APBB2: variants seen among roughly 807,000 people sequenced by gnomAD.
The protein encoded by APBB2 is amyloid beta precursor protein binding family B member 2, also known as Fe65-like 1.
In APBB2, 38 loss-of-function variants were observed where a neutral mutation model predicts 82.5. The ratio of observed to expected loss-of-function variants is 0.46; its 90% CI spans 0.36 to 0.60. The LOEUF (loss-of-function observed/expected upper bound fraction) is 0.60. Among genes scored for constraint, APBB2 ranks in the 20% least tolerant of loss-of-function variants. The probability of loss-of-function intolerance (pLI) is 0.00; values close to 1 mark genes in which losing one functional copy is unlikely to be tolerated. For synonymous variants in APBB2, 341 were observed against 368.2 expected, an observed-to-expected ratio of 0.93 and a Z score of 0.85; for missense variants, 772 against 972.3, an observed-to-expected ratio of 0.79 and a Z score of 2.74.
chr4:41,049,765 G>A (rs1448135979), intron 4 of APBB2, among the ~76,000 whole-genome samples: 7 of 152,240 alleles, frequency 4.6e-5, no homozygotes, highest in Admixed American at 4.6e-4. Context: ...AGACATGGGA[G>A]ACTCCATTTT....
chr4:40,989,156 A>G (rs1478372448), intron 6 of APBB2, among the ~76,000 whole-genome samples: 5 of 152,190 alleles, frequency 3.3e-5, no homozygotes, highest in Non-Finnish European at 7.3e-5. Context: ...ACTGATACAC[A>G]GTATTAACAG....
At position 40,918,759 on chromosome 4, in the gene APBB2, GT is replaced by G. The variant is rs1208082701; in HGVS notation, c.1254+15696del. Among the ~76,000 whole-genome samples the G allele has an allele frequency of 7.0e-3, 591 of 84,236 alleles. 1 individual carries two copies. Among genetic ancestry groups the G allele is most frequent in the Admixed American group, 9.7e-3 (77 of 7,910 alleles). 55.3% of individuals were successfully genotyped at this position (84,236 alleles called of 152,430 possible). On this transcript the variant is annotated intron_variant, in intron 10 of 17. Transcript: ENST00000508593. Reference sequence around the variant, plus strand: ...CTCCCTCCTTCCTTATTTTTTCTCTGTTTTTTTTTTTGTTTGTTTGTTTTTG... The same window carrying G: ...CTCCCTCCTTCCTTATTTTTTCTCTGTTTTTTTTTTGTTTGTTTGTTTTTG...
At chr4:41,153,996 G>A (rs959464149) in intron 1 of APBB2, among the ~76,000 whole-genome samples, 2 of 152,088 alleles carry the variant, frequency 1.3e-5, no homozygotes, top group Non-Finnish European at 2.9e-5. Flanking sequence ...TGTGAGAAAT[G>A]TTTCCTCTAA....
chr4:40,866,641 G>A lies in APBB2; in HGVS notation c.1529+23723C>T, dbSNP rs35061245. Among the ~76,000 whole-genome samples the A allele has an allele frequency of 1.6e-3, 249 of 152,210 alleles. 1 individual carries two copies. Among genetic ancestry groups the A allele is most frequent in the Admixed American group, 3.8e-3 (58 of 15,294 alleles). On this transcript the variant is annotated intron_variant, in intron 12 of 17. Transcript: ENST00000508593. ...AATAAAAACATCATATATGGTTGCT[G>A]TTATTTGTTTTATCTTCGGATTCAA... is the stretch of plus-strand genomic sequence containing the variant.
chr4:40,812,037 G>GTGAC lies in APBB2; in HGVS notation c.*4051_*4054dup, dbSNP rs1225782187. ...GACCGCTTACAAAAGACTCGAGTTG[G>GTGAC]TGACTAAATAGGCTTCTATGTCCGG... is the stretch of plus-strand genomic sequence containing the variant. On this transcript the variant is annotated 3_prime_UTR_variant, in exon 18 of 18. Transcript: ENST00000508593. 1.3e-5 allele frequency: 2 copies of GTGAC among 152,148 alleles called. No individual in the cohort carries two copies. Among genetic ancestry groups the GTGAC allele is most frequent in the African/African-American group, 4.8e-5 (2 of 41,422 alleles). 9.4% of individuals were successfully genotyped at this position (152,148 alleles called of 1,614,324 possible). A position where few individuals can be genotyped will look rare whatever the true frequency, so the allele number is the denominator to read the frequency against.
intron 10 of APBB2, among the ~76,000 whole-genome samples, chr4:40,913,102 C>T (rs1465112566): frequency 6.6e-6 from 1 of 152,196 alleles, no homozygotes; most frequent in South Asian, 2.1e-4. Context: ...CATTGCATTT[C>T]GCTGGGAAAT....
At chr4:40,958,109 TCC>T (rs1429865081) in intron 6 of APBB2, among the ~76,000 whole-genome samples, 1 of 152,200 alleles carries the variant, frequency 6.6e-6, no homozygotes, top group Non-Finnish European at 1.5e-5. Flanking sequence ...CATCGGTCCA[TCC>T]ATCCATAAAC....
intron 10 of APBB2, among the ~76,000 whole-genome samples, chr4:40,915,766 G>A (rs1381993608): frequency 3.3e-5 from 5 of 152,198 alleles, no homozygotes; most frequent in African/African-American, 1.2e-4. Flanking sequence ...ATTCTGCACT[G>A]TGCTCTCGGG....
At chr4:40,923,591 G>A (rs974371263) in intron 10 of APBB2, among the ~76,000 whole-genome samples, 10 of 152,324 alleles carry the variant, frequency 6.6e-5, no homozygotes, top group Middle Eastern at 6.8e-3. Flanking sequence ...CACACCTGCC[G>A]CTCTGGTGCC....
chr4:40,870,058 T>A (rs1323066556), intron 12 of APBB2, among the ~76,000 whole-genome samples: 1 of 152,030 alleles, frequency 6.6e-6, no homozygotes, highest in Non-Finnish European at 1.5e-5. Context: ...ACGTTATACA[T>A]CATTTTGGGG....
intron 12 of APBB2, among the ~76,000 whole-genome samples, chr4:40,840,407 A>C (rs937551179): frequency 2.6e-5 from 4 of 152,228 alleles, no homozygotes; most frequent in Non-Finnish European, 5.9e-5. Flanking sequence ...GGGAGGAATC[A>C]GGAAGCGAAA....
At chr4:41,196,859 G>A in intron 1 of APBB2, among the ~76,000 whole-genome samples, 3 of 152,220 alleles carry the variant, frequency 2.0e-5, no homozygotes, top group East Asian at 3.9e-4. Context: ...TCATAGCTCT[G>A]AAATGTGTGG....
chr4:41,054,849 G>C (rs1039326353), intron 4 of APBB2, among the ~76,000 whole-genome samples: 5 of 151,950 alleles, frequency 3.3e-5, no homozygotes, highest in Non-Finnish European at 7.4e-5. Context: ...ATACGGGGGA[G>C]AAGCCTCCTA....
intron 1 of APBB2, among the ~76,000 whole-genome samples, chr4:41,173,283 T>TG (rs1768829233): frequency 6.6e-6 from 1 of 152,154 alleles, no homozygotes; most frequent in African/African-American, 2.4e-5. Context: ...AACATAAAAA[T>TG]GGGGGCCTGA....
At chr4:41,151,582 G>A (rs1278276153) in intron 1 of APBB2, among the ~76,000 whole-genome samples, 2 of 151,986 alleles carry the variant, frequency 1.3e-5, no homozygotes, top group African/African-American at 4.8e-5. Flanking sequence ...ATCAGGTTTA[G>A]GTTTTTCTGA....
chr4:41,006,696 G>A (rs941936824), intron 6 of APBB2, among the ~76,000 whole-genome samples: 1 of 152,082 alleles, frequency 6.6e-6, no homozygotes, highest in South Asian at 2.1e-4. Context: ...AAACTCCTGA[G>A]CTCAGGTGAT....
At chr4:41,176,698 T>G (rs1173283819) in intron 1 of APBB2, among the ~76,000 whole-genome samples, 3 of 152,058 alleles carry the variant, frequency 2.0e-5, no homozygotes, top group Admixed American at 6.6e-5. Flanking sequence ...GCCCATAGTT[T>G]AGGATCAAAG....
At chr4:41,139,420 C>T (rs1387189077) in intron 2 of APBB2, among the ~76,000 whole-genome samples, 13 of 152,100 alleles carry the variant, frequency 8.5e-5, no homozygotes, top group Admixed American at 8.5e-4. Context: ...TGGTGAGAAA[C>T]TCAAATGAGT....
chr4:41,091,767 C>A (rs1741796902), intron 3 of APBB2, among the ~76,000 whole-genome samples: 1 of 152,182 alleles, frequency 6.6e-6, no homozygotes. Flanking sequence ...TCCTCAAGAT[C>A]TTTGCTCCAT....
Sources: gnomAD v4.1 joint callset for allele counts (sites outside exome capture counted in the v4.1 genomes callset) on GRCh38, gnomAD v4.1.1 for gene constraint, MANE v1.5 for transcripts, NCBI Gene and HGNC (gene_info 2026-07-23, HGNC 2026-07-21) for gene names.